The following GTF2H4 variants were observed in gnomAD, a reference collection of about 807,000 sequenced individuals.
GTF2H4 encodes the protein general transcription factor IIH subunit 4.
GTF2H4 carries 49 observed loss-of-function variants against 62.2 expected under a neutral mutation model. The ratio of observed to expected loss-of-function variants is 0.79; its 90% CI spans 0.63 to 1.00. The LOEUF (loss-of-function observed/expected upper bound fraction) is 1.00, where lower values mean the gene tolerates loss of function less well. Among genes scored for constraint, GTF2H4 ranks in the 50% least tolerant of loss-of-function variants. The pLI, the probability that GTF2H4 is intolerant of heterozygous loss-of-function variation, is 0.00. For synonymous variants in GTF2H4, 189 were observed against 233.8 expected (o/e 0.81, Z 1.75); for missense variants, 479 against 587.8 (o/e 0.81, Z 1.91).
In GTF2H4 at chr6:30,910,990, G is replaced by A. The variant is rs1438872139; in HGVS notation, c.560+49G>A. 6.7e-7 allele frequency: 1 copy of A among 1,487,518 alleles called. No individual in the cohort carries two copies. The highest frequency in any genetic ancestry group is 9.2e-7 in the Non-Finnish European group (1 of 1,081,882). The allele number at this position is 1,487,518 out of a possible 1,614,324, so 92.1% of individuals were successfully genotyped here. A position where few individuals can be genotyped will look rare whatever the true frequency, so the allele number is the denominator to read the frequency against. On this transcript the variant is annotated intron_variant, in intron 6 of 13. Transcript: ENST00000259895. The surrounding 1 kb of genome is among the most constrained non-coding windows in gnomAD (Gnocchi z 4.7). Reference sequence around the variant, plus strand: ...GCTCTCTGCTGTGCCATCTCCTTGGGTCCCTAAGAAATGGTATCTGGGGCT... The same window carrying A: ...GCTCTCTGCTGTGCCATCTCCTTGGATCCCTAAGAAATGGTATCTGGGGCT...
At position 30,913,513 on chromosome 6, in the gene GTF2H4, T is replaced by C; in HGVS notation, c.1216+126T>C. ...GCTGGCAAGACAGTTTTTTGTTGTT[T>C]TGGGGTGAGTCGGTAGTAAACAAAT... is the stretch of plus-strand genomic sequence containing the variant. On this transcript the variant is annotated intron_variant, in intron 13 of 13. Coordinates refer to ENST00000259895, the MANE Select transcript of GTF2H4 (RefSeq NM_001517.5). The surrounding 1 kb of genome is among the most constrained non-coding windows in gnomAD (Gnocchi z 4.2). 9.1e-7 allele frequency: 1 copy of C among 1,094,840 alleles called. No individual in the cohort carries two copies. The allele number at this position is 1,094,840 out of a possible 1,614,324, so 67.8% of individuals were successfully genotyped here. A position where few individuals can be genotyped will look rare whatever the true frequency, so the allele number is the denominator to read the frequency against.
Position 30,909,152 on chromosome 6 carries a change from C to T in GTF2H4, c.116C>T (p.Ala39Val). The T allele has an allele frequency of 2.5e-6, 4 of 1,613,756 alleles. No homozygotes were observed. The highest frequency in any genetic ancestry group is 3.4e-6 in the Non-Finnish European group (4 of 1,179,788). The stretch of plus-strand genomic sequence containing the variant: ...TTGGACCGATTGTATGGGCACCCTG[C>T]CACATGTCTGGCTGTCTTCAGGTGA... ...GVLDRLYGHP[A>V]TCLAVFRELP... Residue 39 changes from alanine to valine, a missense_variant, in exon 2 of 14, where the codon GCC (alanine) becomes GTC (valine). Physicochemically the swap from Ala to Val is moderately conservative, Grantham distance 64 (BLOSUM62 0). Coordinates refer to ENST00000259895, the MANE Select transcript of GTF2H4 (RefSeq NM_001517.5). The surrounding 1 kb of genome is among the most constrained non-coding windows in gnomAD (Gnocchi z 4.3).
At position 30,911,159 on chromosome 6, in the gene GTF2H4, A is replaced by G; in HGVS notation, c.562A>G (p.Thr188Ala). The change falls in exon 7 of 14, where the codon ACT becomes GCT. Residue 188 changes from threonine to alanine, a missense_variant and splice_region_variant. Thr to Ala is a moderately conservative substitution (Grantham distance 58). Coordinates refer to ENST00000259895, the MANE Select transcript of GTF2H4 (RefSeq NM_001517.5). The surrounding 1 kb of genome is among the most constrained non-coding windows in gnomAD (Gnocchi z 4.3). ...LLSQAGLMKS[T>A]EPGEPPCITS... ...CATTGTCCTGGTCTTTGTCTCTAGT[A>G]CTGAACCTGGAGAGCCGCCCTGCAT... The G allele has an allele frequency of 6.2e-7, 1 of 1,610,374 alleles. No individual in the cohort carries two copies. Among genetic ancestry groups the G allele is most frequent in the Non-Finnish European group, 8.5e-7 (1 of 1,177,258 alleles).
rs770928090 is a variant in GTF2H4, at chr6:30,909,946, G to C, written c.257G>C (p.Ser86Thr). 6.2e-7 allele frequency: 1 copy of C among 1,612,916 alleles called. No homozygotes were observed. The highest frequency in any genetic ancestry group is 1.7e-5 in the Admixed American group (1 of 59,974). Residue 86 changes from serine (S) to threonine (T), a missense_variant, in exon 4 of 14, where the codon AGT becomes ACT. By Grantham distance (58) the Ser-to-Thr change is moderately conservative (BLOSUM62 1). Coordinates refer to ENST00000259895, the MANE Select transcript of GTF2H4 (RefSeq NM_001517.5). This position sits in a 1 kb window ranked among gnomAD's most constrained non-coding sequence, Gnocchi z 4.3. Reference sequence around the variant, plus strand: ...TTCTGTTCCAGGGCTCAGGAGGAAAGTACAGGGCTGCTGAGCGGCCTCCGG... The same window carrying C: ...TTCTGTTCCAGGGCTCAGGAGGAAACTACAGGGCTGCTGAGCGGCCTCCGG... Reference protein sequence around the residue: ...KKEFSKAQEESTGLLSGLRIW... With the variant: ...KKEFSKAQEETTGLLSGLRIW...
Position 30,910,044 on chromosome 6 carries a change from C to A in GTF2H4, c.355C>A (p.Arg119Ser), listed in dbSNP as rs2230120. The part of the protein sequence containing the change: ...ILNPIFRQNL[R>S]IALLGGGKAW... ...CAACCCCATTTTCCGCCAGAACCTC[C>A]GCATTGCCCTTCTGGGTGGGTATGT... Residue 119 changes from arginine (R) to serine (S), a missense_variant, in exon 4 of 14, where the codon CGC becomes AGC. Physicochemically the swap from Arg to Ser is moderately radical, Grantham distance 110 (BLOSUM62 -1). Transcript: ENST00000259895. This position sits in a 1 kb window ranked among gnomAD's most constrained non-coding sequence, Gnocchi z 4.7. The A allele has an allele frequency of 5.0e-6, 8 of 1,612,924 alleles. No homozygotes were observed. The highest frequency in any genetic ancestry group is 1.3e-5 in the African/African-American group (1 of 74,912).
In GTF2H4 at chr6:30,909,825, A is replaced by T; in HGVS notation, c.243-107A>T. The T allele has an allele frequency of 1.9e-6, 2 of 1,072,570 alleles. No individual in the cohort carries two copies. The highest frequency in any genetic ancestry group is 3.0e-5 in the South Asian group (2 of 66,122). 66.4% of individuals were successfully genotyped at this position (1,072,570 alleles called of 1,614,324 possible). ...GAAGATACTAATTTCACTCTGTGGA[A>T]CAGTGTTCCAAGGGTCAGCAAGTTC... On this transcript the variant is annotated intron_variant, in intron 3 of 13. Transcript: ENST00000259895. The surrounding 1 kb of genome is among the most constrained non-coding windows in gnomAD (Gnocchi z 4.3).
In GTF2H4 at chr6:30,910,912, G is replaced by A. The variant is rs1260128483; in HGVS notation, c.531G>A (p.Gln177=). Residue 177 remains glutamine, a synonymous_variant, in exon 6 of 14, where the codon CAG becomes CAA. Coordinates refer to ENST00000259895, the MANE Select transcript of GTF2H4 (RefSeq NM_001517.5). The surrounding 1 kb of genome is among the most constrained non-coding windows in gnomAD (Gnocchi z 4.7). ...CAGCTGTCAGCCAGGACTTGGCTCA[G>A]CTCCTCAGCCAGGCTGGGCTCATGA... ...PSAAVSQDLA[Q]LLSQAGLMKS... 6.2e-7 allele frequency: 1 copy of A among 1,610,826 alleles called. No homozygotes were observed. The highest frequency in any genetic ancestry group is 8.5e-7 in the Non-Finnish European group (1 of 1,179,184).
chr6:30,909,583 C>T lies in GTF2H4; in HGVS notation c.242+44C>T. On this transcript the variant is annotated intron_variant, in intron 3 of 13. Coordinates refer to ENST00000259895, the MANE Select transcript of GTF2H4 (RefSeq NM_001517.5). The surrounding 1 kb of genome is among the most constrained non-coding windows in gnomAD (Gnocchi z 4.3). ...CAAATTTCTCAACAGCTACATTTCC[C>T]AAACTGCTGTTCCTTGGAGCACTTC... 1.7e-6 allele frequency: 2 copies of T among 1,183,276 alleles called. No homozygotes were observed. The highest frequency in any genetic ancestry group is 2.5e-6 in the Non-Finnish European group (2 of 789,464). 73.3% of individuals were successfully genotyped at this position (1,183,276 alleles called of 1,614,324 possible).
Position 30,911,070 on chromosome 6 carries a change from G to T in GTF2H4, c.561-88G>T. ...AGGCAAGCTGAGTAGAATATAGCCA[G>T]AGATACCAAGAAAAAACGTGAGTGG... On this transcript the variant is annotated intron_variant, in intron 6 of 13. Transcript: ENST00000259895. This position sits in a 1 kb window ranked among gnomAD's most constrained non-coding sequence, Gnocchi z 4.3. The T allele has an allele frequency of 7.5e-7, 1 of 1,326,542 alleles. No individual in the cohort carries two copies. The allele number at this position is 1,326,542 out of a possible 1,614,324, so 82.2% of individuals were successfully genotyped here.
chr6:30,911,693 G>T lies in GTF2H4; in HGVS notation c.751G>T (p.Val251Leu). The stretch of plus-strand genomic sequence containing the variant: ...AACCTCTGTTCCTCAGGATTACTCT[G>T]TGGAAGGTATGAGTGATTCTCTGTT... Reference protein sequence around the residue: ...SFSTLGKDYSVEGMSDSLLNF... With the variant: ...SFSTLGKDYSLEGMSDSLLNF... Residue 251 changes from valine to leucine, a missense_variant, in exon 9 of 14, where the codon GTG (valine) becomes TTG (leucine). Transcript: ENST00000259895. This position sits in a 1 kb window ranked among gnomAD's most constrained non-coding sequence, Gnocchi z 4.3. The T allele has an allele frequency of 1.2e-6, 2 of 1,612,796 alleles. No individual in the cohort carries two copies. Among genetic ancestry groups the T allele is most frequent in the Non-Finnish European group, 1.7e-6 (2 of 1,179,756 alleles).
Position 30,911,472 on chromosome 6 carries a change from C to T in GTF2H4, c.714C>T (p.Phe238=). 1 of 1,614,038 alleles carries T rather than the reference C, an allele frequency of 6.2e-7. No homozygotes were observed. The highest frequency in any genetic ancestry group is 1.6e-4 in the Middle Eastern group (1 of 6,062). The part of the protein sequence containing the change: ...MDLVEILSFL[F]QLSFSTLGKD... ...TGGTAGAGATTCTCTCCTTCCTCTT[C>T]CAGCTCAGCTTCTCTACTCTGGGCA... Residue 238 remains phenylalanine, a synonymous_variant, in exon 8 of 14, where the codon TTC becomes TTT. Coordinates refer to ENST00000259895, the MANE Select transcript of GTF2H4 (RefSeq NM_001517.5). The surrounding 1 kb of genome is among the most constrained non-coding windows in gnomAD (Gnocchi z 4.3).
chr6:30,910,075 C>G lies in GTF2H4; in HGVS notation c.374+12C>G. 1 of 1,611,246 alleles carries G rather than the reference C, an allele frequency of 6.2e-7. No individual in the cohort carries two copies. Among genetic ancestry groups the G allele is most frequent in the Non-Finnish European group, 8.5e-7 (1 of 1,179,436 alleles). ...GCCCTTCTGGGTGGGTATGTCACTT[C>G]TCTCTCTTCCTAAGCTAGGGCAGGG... is the stretch of plus-strand genomic sequence containing the variant. On this transcript the variant is annotated intron_variant, in intron 4 of 13. Transcript: ENST00000259895. This position sits in a 1 kb window ranked among gnomAD's most constrained non-coding sequence, Gnocchi z 4.7.
Position 30,913,263 on chromosome 6 carries a change from T to G in GTF2H4, c.1138-46T>G. 3 of 1,612,600 alleles carry G rather than the reference T, an allele frequency of 1.9e-6. No individual in the cohort carries two copies. Among genetic ancestry groups the G allele is most frequent in the South Asian group, 2.2e-5 (2 of 91,002 alleles). ...GGAAGAAACAGAGGGCCGGGTTGTC[T>G]GGGGCAGTATTCTGAGTCCCTACAG... On this transcript the variant is annotated intron_variant, in intron 12 of 13. Transcript: ENST00000259895. The surrounding 1 kb of genome is among the most constrained non-coding windows in gnomAD (Gnocchi z 4.2).
Position 30,911,021 on chromosome 6 carries a change from A to G in GTF2H4, c.560+80A>G. On this transcript the variant is annotated intron_variant, in intron 6 of 13. Transcript: ENST00000259895. The surrounding 1 kb of genome is among the most constrained non-coding windows in gnomAD (Gnocchi z 4.3). ...AAGAAATGGTATCTGGGGCTAGTCA[A>G]GATCAGAGGACATTAGCTGGAAAAG... 1 of 1,367,330 alleles carries G rather than the reference A, an allele frequency of 7.3e-7. No individual in the cohort carries two copies. The highest frequency in any genetic ancestry group is 1.0e-6 in the Non-Finnish European group (1 of 975,488). 84.7% of individuals were successfully genotyped at this position (1,367,330 alleles called of 1,614,324 possible).
At position 30,909,124 on chromosome 6, in the gene GTF2H4, G is replaced by T. The variant is rs756661696; in HGVS notation, c.88G>T (p.Val30Leu). 13 of 1,614,130 alleles carry T rather than the reference G, an allele frequency of 8.1e-6. No homozygotes were observed. Among genetic ancestry groups the T allele is most frequent in the Admixed American group, 1.7e-5 (1 of 60,024 alleles). ...QEFLGGLSPGVLDRLYGHPAT... is the reference protein window; with the variant it reads ...QEFLGGLSPGLLDRLYGHPAT... Reference sequence around the variant, plus strand: ...ATTCTTAGGGGGCCTGAGCCCTGGGGTATTGGACCGATTGTATGGGCACCC... The same window carrying T: ...ATTCTTAGGGGGCCTGAGCCCTGGGTTATTGGACCGATTGTATGGGCACCC... The change falls in exon 2 of 14, where the codon GTA becomes TTA. Residue 30 changes from valine to leucine, a missense_variant. Coordinates refer to ENST00000259895, the MANE Select transcript of GTF2H4 (RefSeq NM_001517.5). This position sits in a 1 kb window ranked among gnomAD's most constrained non-coding sequence, Gnocchi z 4.3.
In GTF2H4 at chr6:30,909,018, C is replaced by G. The variant is rs374491254; in HGVS notation, c.-3-16C>G. 2.6e-5 allele frequency: 42 copies of G among 1,613,656 alleles called. No homozygotes were observed. The highest frequency in any genetic ancestry group is 3.2e-5 in the Non-Finnish European group (38 of 1,179,940). ...ATGGATGGTGAGGTTGCACTTCTGA[C>G]GTTTGCATTCCTCAGGTGATGGAGA... On this transcript the variant is annotated splice_polypyrimidine_tract_variant and intron_variant, in intron 1 of 13. Coordinates refer to ENST00000259895, the MANE Select transcript of GTF2H4 (RefSeq NM_001517.5). This position sits in a 1 kb window ranked among gnomAD's most constrained non-coding sequence, Gnocchi z 4.3.
Position 30,911,897 on chromosome 6 carries a change from G to T in GTF2H4, c.826-117G>T. 7.0e-7 allele frequency: 1 copy of T among 1,420,044 alleles called. No individual in the cohort carries two copies. The highest frequency in any genetic ancestry group is 9.8e-7 in the Non-Finnish European group (1 of 1,021,646). The allele number at this position is 1,420,044 out of a possible 1,614,324, so 88.0% of individuals were successfully genotyped here. ...CCAGAACTGAATACTTGGGTCTCTC[G>T]GGGGAGAGAAGTTGGGGGTTGAGGT... On this transcript the variant is annotated intron_variant, in intron 9 of 13. Coordinates refer to ENST00000259895, the MANE Select transcript of GTF2H4 (RefSeq NM_001517.5). This position sits in a 1 kb window ranked among gnomAD's most constrained non-coding sequence, Gnocchi z 4.3.
In GTF2H4 at chr6:30,912,168, CT is replaced by C. The variant is rs1313129789; in HGVS notation, c.958+23del. ...ACGGGTGAGGCGGGACAGAGGGCCC[CT>C]GGAAGAGGAGGTTGGGGGTGAGGGA... is the stretch of plus-strand genomic sequence containing the variant. On this transcript the variant is annotated intron_variant, in intron 10 of 13. Coordinates refer to ENST00000259895, the MANE Select transcript of GTF2H4 (RefSeq NM_001517.5). This position sits in a 1 kb window ranked among gnomAD's most constrained non-coding sequence, Gnocchi z 4.8. The C allele has an allele frequency of 6.2e-7, 1 of 1,611,832 alleles. No individual in the cohort carries two copies. The highest frequency in any genetic ancestry group is 1.3e-5 in the African/African-American group (1 of 74,746).
Position 30,913,239 on chromosome 6 carries a change from G to A in GTF2H4, c.1138-70G>A. ...AGAAAAAGGGGCATCCAAATCTGGG[G>A]AAGAAACAGAGGGCCGGGTTGTCTG... On this transcript the variant is annotated intron_variant, in intron 12 of 13. Transcript: ENST00000259895. The surrounding 1 kb of genome is among the most constrained non-coding windows in gnomAD (Gnocchi z 4.2). The A allele has an allele frequency of 6.2e-7, 1 of 1,612,244 alleles. No individual in the cohort carries two copies. The highest frequency in any genetic ancestry group is 8.5e-7 in the Non-Finnish European group (1 of 1,178,564).
Sources: gnomAD v4.1 joint callset for allele counts on GRCh38, gnomAD v4.1.1 for gene constraint, Gnocchi (gnomAD v3.1) non-coding constraint, MANE v1.5 for transcripts, NCBI Gene and HGNC (gene_info 2026-07-23, HGNC 2026-07-21) for gene names.